Variants in TRPM8 observed in about 807,000 individuals in gnomAD.
TRPM8 encodes TRPM8 cationic channel.
A neutral mutation model predicts 133.7 loss-of-function variants in TRPM8; 110 were observed. The ratio of observed to expected loss-of-function variants is 0.82; its 90% CI spans 0.70 to 0.96. The LOEUF (loss-of-function observed/expected upper bound fraction) is 0.96, where lower values mean the gene tolerates loss of function less well. Ranked by LOEUF, TRPM8 falls within the 40% of genes least tolerant of loss-of-function variation. TRPM8 has a pLI of 0.00. For missense variants in TRPM8, 1,291 were observed against 1,379.5 expected (o/e 0.94, Z 1.02); for synonymous variants, 535 against 532.3 (o/e 1.01, Z -0.07).
rs1691524302 is a variant in TRPM8 at position 233,964,751 on chromosome 2, G to A, written c.1873G>A (p.Ala625Thr). 1.2e-6 allele frequency: 2 copies of A among 1,610,944 alleles called. No homozygotes were observed. Among genetic ancestry groups the A allele is most frequent in the Admixed American group, 1.7e-5 (1 of 59,914 alleles). Residue 625 changes from alanine to threonine, a missense_variant, in exon 14 of 26, where the codon GCT becomes ACT. Around this residue, in one of 2 missense-constraint regions of TRPM8, gnomAD observed 963 missense variants for 968.9 expected, o/e 0.99. Transcript: ENST00000324695. ...GCTGGCTAATGAGTACGAGACCCGG[G>A]CTGTTGGTGAGTCCACAGTGTGGAA... is the stretch of plus-strand genomic sequence containing the variant. Reference protein sequence around the residue: ...EELANEYETRAVELFTECYSS... With the variant: ...EELANEYETRTVELFTECYSS...
intron 4 of TRPM8, 118 bp downstream of exon 4, chr2:233,937,627 A>G: frequency 3.4e-6 from 4 of 1,166,080 alleles, no homozygotes; most frequent in Non-Finnish European, 4.8e-6. Context: ...AGTAAACACC[A>G]AAAACGATTG....
chr2:233,990,922 A>G (rs148845057), intron 21 of TRPM8, among the ~76,000 whole-genome samples: 7 of 152,258 alleles, frequency 4.6e-5, no homozygotes, highest in Admixed American at 6.5e-5. Context: ...AATATAATAT[A>G]TATAATATAA....
intron 7 of TRPM8, 186 bp downstream of exon 7, chr2:233,946,216 A>G (rs1691040523): frequency 1.7e-6 from 1 of 597,392 alleles, no homozygotes; most frequent in Non-Finnish European, 2.9e-6. Flanking sequence ...GCCAGGGTCA[A>G]TGTGGTATGT....
rs749514936 is a variant in TRPM8 at position 233,960,916 on chromosome 2, C to T, written c.1503C>T (p.Phe501=). ...DVLTELFSNH[F]STLVYRNLQI... is the part of the protein sequence containing the mutation. ...TCACTGAACTCTTCTCCAACCACTTCAGCACGCTTGTGTACCGGAATCTGC... is the reference window on the plus strand; with the variant it reads ...TCACTGAACTCTTCTCCAACCACTTTAGCACGCTTGTGTACCGGAATCTGC... Residue 501 remains phenylalanine (F), a synonymous_variant, in exon 12 of 26, where the codon TTC becomes TTT. Transcript: ENST00000324695. The T allele has an allele frequency of 4.3e-6, 7 of 1,614,192 alleles. No homozygotes were observed. Among genetic ancestry groups the T allele is most frequent in the Non-Finnish European group, 5.9e-6 (7 of 1,180,050 alleles).
intron 7 of TRPM8, 68 bp from the exon 8 acceptor site, chr2:233,947,010 TCTTGGTCCAA>T: frequency 7.4e-7 from 1 of 1,350,966 alleles, no homozygotes; most frequent in African/African-American, 1.4e-5. Context: ...GGGCAGAAGC[TCTTGGTCCAA>T]CTTTTCACAG....
At chr2:233,997,695 G>A (rs944626620) in intron 22 of TRPM8, among the ~76,000 whole-genome samples, 1 of 152,084 alleles carries the variant, frequency 6.6e-6, no homozygotes, top group Non-Finnish European at 1.5e-5. Flanking sequence ...CTGGTTTCCA[G>A]GGGTCCACCA....
chr2:234,001,578 T>C lies in TRPM8; in HGVS notation c.3130+5062T>C, dbSNP rs373148374. 5.9e-5 allele frequency among the ~76,000 whole-genome samples: 9 copies of C among 152,232 alleles called. No homozygotes were observed. In the South Asian group the frequency reaches 1.2e-3, roughly 21 times the overall value. On this transcript the variant is annotated intron_variant, in intron 22 of 25. Transcript: ENST00000324695. ...ACACCACACTACCCACAGATCTAAA[T>C]TGGAAAATTGAGTGAGCACAAGGAT...
At chr2:233,961,185 A>C in intron 12 of TRPM8, 119 bp downstream of exon 12, 1 of 1,022,682 alleles carries the variant, frequency 9.8e-7, no homozygotes, top group Non-Finnish European at 1.4e-6. Flanking sequence ...CACACTGACA[A>C]TGTTAATTTT....
At chr2:233,937,284 A>T in intron 3 of TRPM8, 69 bp from the exon 4 acceptor site, 1 of 1,575,146 alleles carries the variant, frequency 6.3e-7, no homozygotes, top group Non-Finnish European at 8.7e-7. Flanking sequence ...ATTTAAGCTA[A>T]CAATACCAGT....
intron 15 of TRPM8, among the ~76,000 whole-genome samples, chr2:233,967,723 G>C (rs965851823): frequency 5.9e-5 from 9 of 152,212 alleles, no homozygotes; most frequent in Admixed American, 2.6e-4. Context: ...AGCATGCGGA[G>C]AGCGTCTTGC....
intron 17 of TRPM8, among the ~76,000 whole-genome samples, chr2:233,972,164 A>C (rs1691741848): frequency 1.3e-5 from 2 of 151,636 alleles, no homozygotes; most frequent in Admixed American, 6.6e-5. Flanking sequence ...ATACAGAGTG[A>C]CGATTGGTGT....
In TRPM8 at chr2:234,018,162, C is replaced by T. The variant is rs1693002486; in HGVS notation, c.*906C>T. The T allele has an allele frequency of 6.6e-6, 1 of 152,056 alleles. No homozygotes were observed. The allele number at this position is 152,056 out of a possible 1,614,324, so 9.4% of individuals were successfully genotyped here. A position where few individuals can be genotyped will look rare whatever the true frequency, so the allele number is the denominator to read the frequency against. On this transcript the variant is annotated 3_prime_UTR_variant, in exon 26 of 26. Coordinates refer to ENST00000324695, the MANE Select transcript of TRPM8 (RefSeq NM_024080.5). ...GTCTCAATTCTCTTTCAAAATTTTA[C>T]AGAATGTTATCATACTACATATATA...
rs140072325 is a variant in TRPM8 at position 233,995,618 on chromosome 2, C to T, written c.2940-708C>T. ...TTAACATATATGATAAGCATTTCCC[C>T]ATAATAAAACAATTATTCATAACTT... is the stretch of plus-strand genomic sequence containing the variant. On this transcript the variant is annotated intron_variant, in intron 21 of 25. Transcript: ENST00000324695. Among the ~76,000 whole-genome samples, 78 of 152,154 alleles carry T rather than the reference C, an allele frequency of 5.1e-4. 1 individual carries two copies. Among genetic ancestry groups the T allele is most frequent in the Middle Eastern group, 3.4e-3 (1 of 294 alleles).
rs1278727711 is a variant in TRPM8 at position 234,017,512 on chromosome 2, G to GGA, written c.*256_*257insGA. On this transcript the variant is annotated 3_prime_UTR_variant, in exon 26 of 26. Coordinates refer to ENST00000324695, the MANE Select transcript of TRPM8 (RefSeq NM_024080.5). ...CAGAATGGTGCCTGTTTCTCTCTGT[G>GGA]TCTCAATGCCTGGGACTGGAGGTTG... 1 of 380,174 alleles carries GGA rather than the reference G, an allele frequency of 2.6e-6. No homozygotes were observed. 23.6% of individuals were successfully genotyped at this position (380,174 alleles called of 1,614,324 possible). A position where few individuals can be genotyped will look rare whatever the true frequency, so the allele number is the denominator to read the frequency against.
rs111481457 is a variant in TRPM8 at position 233,998,708 on chromosome 2, G to A, written c.3130+2192G>A. 7.1e-3 allele frequency among the ~76,000 whole-genome samples: 1,062 copies of A among 150,342 alleles called. 18 individuals carry two copies. The highest frequency in any genetic ancestry group is 0.024 in the African/African-American group (996 of 40,778). ...TGTGCCCATCCAGTTAGGGTGAGCC[G>A]CCTGTGCCCATCCAGTTAGAGTGCC... On this transcript the variant is annotated intron_variant, in intron 22 of 25. Transcript: ENST00000324695.
intron 22 of TRPM8, among the ~76,000 whole-genome samples, chr2:233,998,503 G>A (rs1209765707): frequency 6.6e-6 from 1 of 151,908 alleles, no homozygotes; most frequent in African/African-American, 2.4e-5. Context: ...AACCAGTTAG[G>A]GTGCCAGCAG....
chr2:233,940,877 C>A (rs971081485), intron 5 of TRPM8, among the ~76,000 whole-genome samples: 4 of 151,972 alleles, frequency 2.6e-5, no homozygotes, highest in Non-Finnish European at 5.9e-5. Flanking sequence ...TGTTCTATGG[C>A]GTGGGGAAAG....
At chr2:233,941,966 A>G (rs1304338557) in intron 5 of TRPM8, among the ~76,000 whole-genome samples, 1 of 151,404 alleles carries the variant, frequency 6.6e-6, no homozygotes, top group Non-Finnish European at 1.5e-5. Flanking sequence ...TTAGACATTC[A>G]TTGTCCATAA....
At chr2:233,981,045 A>G (rs1369200384) in intron 18 of TRPM8, among the ~76,000 whole-genome samples, 1 of 152,204 alleles carries the variant, frequency 6.6e-6, no homozygotes, top group African/African-American at 2.4e-5. Flanking sequence ...CCCTGTTTCA[A>G]TTTTTTAAAA....
Sources: allele counts gnomAD v4.1 joint callset (sites outside exome capture counted in the v4.1 genomes callset), GRCh38; gene constraint gnomAD v4.1.1; regional missense constraint gnomAD v4.1.1; transcripts MANE v1.5; gene names NCBI Gene and HGNC (gene_info 2026-07-23, HGNC 2026-07-21).